UTP14A: variants seen among roughly 807,000 people sequenced by gnomAD.
UTP14A encodes U3 small nucleolar RNA-associated protein 14 homolog A.
Under a neutral mutation model 57.2 loss-of-function variants are expected in UTP14A, and 5 were observed. The observed-to-expected ratio is 0.09, with a 90% CI of 0.05 to 0.18. The LOEUF (loss-of-function observed/expected upper bound fraction) is 0.18, where lower values mean the gene tolerates loss of function less well. UTP14A is among the 10% of genes least tolerant of loss of function. The pLI is 1.00. For missense variants in UTP14A, 430 were observed against 562.1 expected (o/e 0.76, Z 2.38); for synonymous variants, 169 against 210.9 (o/e 0.80, Z 1.72).
At chrX:129,914,154 C>T (rs1033140764) in intron 6 of UTP14A, among the ~76,000 whole-genome samples, 2 of 111,615 alleles carry the variant, frequency 1.8e-5, no homozygotes, top group African/African-American at 6.5e-5. Flanking sequence ...TAGTAGGGCA[C>T]AGAGAAATAA....
At chrX:129,907,591 A>G (rs1929298421) in intron 2 of UTP14A, 149 bp downstream of exon 2, 2 of 470,839 alleles carry the variant, frequency 4.2e-6, no homozygotes, top group Non-Finnish European at 6.9e-6. Flanking sequence ...ACTGTATCAT[A>G]TTAAGTGCTA....
At chrX:129,908,494 T>G in intron 3 of UTP14A, 176 bp from the exon 4 acceptor site, 3 of 500,368 alleles carry the variant, frequency 6.0e-6, no homozygotes, top group Non-Finnish European at 1.0e-5. Context: ...AGATGAGGGT[T>G]AGACAACCAA....
In UTP14A at chrX:129,926,298, A is replaced by T; in HGVS notation, c.2002A>T (p.Ile668Phe). The stretch of plus-strand genomic sequence containing the variant: ...AAAAGATAAGAATTTGCCAAATGTG[A>T]TTATCAATGAGAAGCGCAACATCCA... ...PRKDKNLPNV[I>F]INEKRNIHAA... The change falls in exon 14 of 15, where the codon ATT (isoleucine) becomes TTT (phenylalanine). Residue 668 changes from isoleucine to phenylalanine, a missense_variant. Around this residue, in one of 4 missense-constraint regions of UTP14A, gnomAD observed 82 missense variants for 151.4 expected, o/e 0.54. Transcript: ENST00000394422. The T allele has an allele frequency of 8.3e-7, 1 of 1,211,770 alleles. No individual in the cohort carries two copies.
intron 14 of UTP14A, among the ~76,000 whole-genome samples, chrX:129,928,610 C>T (rs1390659534): frequency 3.7e-5 from 4 of 108,485 alleles, no homozygotes; most frequent in Non-Finnish European, 5.7e-5. Context: ...AAAAATTAGC[C>T]GGGCGTGGTG....
At chrX:129,924,750 G>A (rs201978341) in intron 11 of UTP14A, 45 bp from the exon 12 acceptor site, 64 of 1,176,378 alleles carry the variant, frequency 5.4e-5, no homozygotes, top group Middle Eastern at 2.4e-4. Context: ...ACCAGACAAC[G>A]TACAAACCTC....
chrX:129,925,242 T>G, intron 12 of UTP14A, 47 bp downstream of exon 12: 1 of 1,175,535 alleles, frequency 8.5e-7, no homozygotes, highest in Non-Finnish European at 1.1e-6. Flanking sequence ...AGTGTCGTTC[T>G]TGCGCAAGGA....
intron 6 of UTP14A, among the ~76,000 whole-genome samples, chrX:129,915,590 A>AGGGT (rs1044913098): frequency 1.8e-5 from 2 of 110,233 alleles, no homozygotes; most frequent in African/African-American, 6.6e-5. Context: ...AATTTAACTT[A>AGGGT]GGGTGTACAA....
chrX:129,908,808 C>G (rs193227452), intron 4 of UTP14A, 74 bp downstream of exon 4: 50 of 985,431 alleles, frequency 5.1e-5, no homozygotes, highest in South Asian at 5.9e-5. Flanking sequence ...ACCTCACCCC[C>G]CCTAGGAACT....
rs112128490 is a variant in UTP14A at position 129,909,376 on chromosome X, G to A, written c.238+642G>A. 7.2e-3 allele frequency among the ~76,000 whole-genome samples: 792 copies of A among 110,417 alleles called. 10 individuals are homozygous for A. Among genetic ancestry groups the A allele is most frequent in the African/African-American group, 0.025 (761 of 30,348 alleles). ...AGGTGCCCGCCACCGCGCCTGGCTA[G>A]TTTTTTGTATTTTTAGTAGAGACGG... On this transcript the variant is annotated intron_variant, in intron 4 of 14. Transcript: ENST00000394422.
rs1449655337 is a variant in UTP14A at position 129,921,591 on chromosome X, A to G, written c.1348+4A>G. ...GCAGGCAGTCAAGAAACAAAAGGTG[A>G]GCTGTGATCAAATGGAAGAGGGAAA... On this transcript the variant is annotated splice_donor_region_variant and intron_variant, in intron 11 of 14. Coordinates refer to ENST00000394422, the MANE Select transcript of UTP14A (RefSeq NM_006649.4). 1.7e-6 allele frequency: 2 copies of G among 1,202,426 alleles called. No individual in the cohort carries two copies. Among genetic ancestry groups the G allele is most frequent in the Non-Finnish European group, 2.2e-6 (2 of 892,305 alleles).
At chrX:129,907,486 G>A in intron 2 of UTP14A, 44 bp downstream of exon 2, 10 of 1,082,731 alleles carry the variant, frequency 9.2e-6, no homozygotes, top group Non-Finnish European at 1.3e-5. Context: ...AGGGTAGAGA[G>A]CACATTCCTG....
chrX:129,906,254 G>C lies in UTP14A; in HGVS notation c.26+18G>C, dbSNP rs769747207. On this transcript the variant is annotated intron_variant, in intron 1 of 14. Transcript: ENST00000394422. ...GCAGAGAGGTGAAGGGCAACGAGGG[G>C]AGGGGGGATTCTGGGTCTCGTTGGG... 3.3e-6 allele frequency: 4 copies of C among 1,198,835 alleles called. No homozygotes were observed. Among genetic ancestry groups the C allele is most frequent in the Non-Finnish European group, 3.4e-6 (3 of 886,794 alleles).
chrX:129,910,874 T>G, intron 4 of UTP14A, 134 bp from the exon 5 acceptor site: 2 of 832,706 alleles, frequency 2.4e-6, no homozygotes, highest in Non-Finnish European at 3.4e-6. Context: ...AATAGGCAAT[T>G]GAAGTAAGAG....
At position 129,919,434 on chromosome X, in the gene UTP14A, C is replaced by T. The variant is rs376876490; in HGVS notation, c.697C>T (p.Leu233=). 3.2e-5 allele frequency: 39 copies of T among 1,210,339 alleles called. No homozygotes were observed. The highest frequency in any genetic ancestry group is 2.3e-4 in the Middle Eastern group (1 of 4,352). ...AGCAGAGCTTCAGAGGGCTCGGGCT[C>T]TGCAGTCCTACTATGAGGCCAAGGC... is the stretch of plus-strand genomic sequence containing the variant. The part of the protein sequence containing the change: ...RRAELQRARA[L]QSYYEAKARR... Residue 233 remains leucine, a synonymous_variant, in exon 8 of 15, where the codon CTG becomes TTG. Coordinates refer to ENST00000394422, the MANE Select transcript of UTP14A (RefSeq NM_006649.4).
In UTP14A at chrX:129,911,596, T is replaced by C. The variant is rs567571456; in HGVS notation, c.382-170T>C. ...AATAATAATAATAATCTAGGAGAAA[T>C]TGCAGTCCTGAGAAGCAAGAGGACT... On this transcript the variant is annotated intron_variant, in intron 5 of 14. Coordinates refer to ENST00000394422, the MANE Select transcript of UTP14A (RefSeq NM_006649.4). Among the ~76,000 whole-genome samples, 59 of 111,120 alleles carry C rather than the reference T, an allele frequency of 5.3e-4. No homozygotes were observed. The South Asian group carries it at 7.6e-3, about 14-fold the overall frequency.
At chrX:129,918,053 T>C (rs1929755182) in intron 6 of UTP14A, among the ~76,000 whole-genome samples, 1 of 111,868 alleles carries the variant, frequency 8.9e-6, no homozygotes, top group Non-Finnish European at 1.9e-5. Context: ...CAGATATATG[T>C]CCTAGGTATA....
intron 14 of UTP14A, among the ~76,000 whole-genome samples, 158 bp from the exon 15 acceptor site, chrX:129,929,178 G>A (rs769902291): frequency 1.8e-5 from 2 of 111,717 alleles, no homozygotes; most frequent in South Asian, 3.8e-4. Flanking sequence ...AAGGGCAGAT[G>A]GGAGCAATGG....
At chrX:129,908,222 T>G in intron 3 of UTP14A, 92 bp downstream of exon 3, 1 of 695,076 alleles carries the variant, frequency 1.4e-6, no homozygotes, top group Admixed American at 3.2e-5. Context: ...TGTAAAGACC[T>G]TAATACCAGT....
At chrX:129,928,479 G>C (rs1930192637) in intron 14 of UTP14A, among the ~76,000 whole-genome samples, 1 of 108,840 alleles carries the variant, frequency 9.2e-6, no homozygotes, top group African/African-American at 3.3e-5. Context: ...ATCCTGGCCA[G>C]GCGCGGTGGC....
Sources: gnomAD v4.1 joint callset for allele counts (sites outside exome capture counted in the v4.1 genomes callset) on GRCh38, gnomAD v4.1.1 for gene constraint, gnomAD v4.1.1 regional missense constraint, MANE v1.5 for transcripts, NCBI Gene and HGNC (gene_info 2026-07-23, HGNC 2026-07-21) for gene names.